Variants in SLC35F1 observed in about 807,000 individuals in gnomAD.
The protein encoded by SLC35F1 is chromosome 6 open reading frame 169.
SLC35F1 carries 14 observed loss-of-function variants against 48.7 expected under a neutral mutation model. The observed-to-expected ratio is 0.29, with a 90% CI of 0.19 to 0.45. The LOEUF is 0.45. SLC35F1 is among the 20% of genes least tolerant of loss of function. The probability of loss-of-function intolerance (pLI) is 1.00; values close to 1 mark genes in which losing one functional copy is unlikely to be tolerated. For synonymous variants in SLC35F1, 190 were observed against 202.2 expected, an observed-to-expected ratio of 0.94 and a Z score of 0.51; for missense variants, 404 against 500.0, an observed-to-expected ratio of 0.81 and a Z score of 1.83.
At chr6:117,922,395 A>G (rs1052581162) in intron 1 of SLC35F1, among the ~76,000 whole-genome samples, 10 of 152,212 alleles carry the variant, frequency 6.6e-5, no homozygotes, top group Non-Finnish European at 1.5e-4. Flanking sequence ...AAATTAAACA[A>G]AATTAGATTT....
intron 7 of SLC35F1, among the ~76,000 whole-genome samples, chr6:118,305,250 G>A (rs1315483398): frequency 6.6e-6 from 1 of 151,598 alleles, no homozygotes; most frequent in Admixed American, 6.6e-5. Context: ...TTCCTGGGGG[G>A]CCCTCAGTCT....
At chr6:118,228,318 T>TTTAGGA (rs11269647) in intron 2 of SLC35F1, among the ~76,000 whole-genome samples, 142,134 of 152,172 alleles carry the variant, frequency 0.93, 66,439 homozygotes, top group East Asian at 0.98. Context: ...AATGGAATAG[T>TTTAGGA]TTTAAACTCT....
In SLC35F1 at chr6:117,973,666, AC is replaced by A. The variant is rs1158506736; in HGVS notation, c.173+65770del. The stretch of plus-strand genomic sequence containing the variant: ...AGCCTAGAACTCCTAGGCTGAAGAG[AC>A]CCTCCTGCCTCAGCCTTCCCAGTAC... On this transcript the variant is annotated intron_variant, in intron 1 of 7. Transcript: ENST00000360388. 6.6e-5 allele frequency among the ~76,000 whole-genome samples: 10 copies of A among 151,898 alleles called. No homozygotes were observed. In the East Asian group the frequency reaches 1.7e-3, roughly 27 times the overall value.
At chr6:118,297,251 A>C (rs574073733) in intron 7 of SLC35F1, among the ~76,000 whole-genome samples, 1 of 152,164 alleles carries the variant, frequency 6.6e-6, no homozygotes, top group African/African-American at 2.4e-5. Context: ...ATACTTCCAC[A>C]CTTACTACAT....
chr6:117,918,686 C>T (rs1283484665), intron 1 of SLC35F1, among the ~76,000 whole-genome samples: 1 of 152,014 alleles, frequency 6.6e-6, no homozygotes. Flanking sequence ...CAGTAGAGGG[C>T]GTGATGAGCA....
At chr6:117,953,025 C>T (rs1776383590) in intron 1 of SLC35F1, among the ~76,000 whole-genome samples, 1 of 152,188 alleles carries the variant, frequency 6.6e-6, no homozygotes, top group African/African-American at 2.4e-5. Context: ...GAAGTGGGCA[C>T]TGGTCCATGT....
At chr6:118,079,004 C>T (rs1382591380) in intron 1 of SLC35F1, among the ~76,000 whole-genome samples, 1 of 151,916 alleles carries the variant, frequency 6.6e-6, no homozygotes, top group Non-Finnish European at 1.5e-5. Flanking sequence ...CACTAGGGGT[C>T]CACTTAAAAA....
chr6:118,167,897 A>G (rs1774342550), intron 2 of SLC35F1, among the ~76,000 whole-genome samples: 1 of 152,324 alleles, frequency 6.6e-6, no homozygotes, highest in Non-Finnish European at 1.5e-5. Flanking sequence ...TATACAGCAC[A>G]TAACTGAACC....
intron 1 of SLC35F1, among the ~76,000 whole-genome samples, chr6:118,131,194 CG>C (rs1392825696): frequency 6.6e-6 from 1 of 151,810 alleles, no homozygotes; most frequent in African/African-American, 2.4e-5. Context: ...TCTATTCAAA[CG>C]TAAGAATTTT....
chr6:118,053,093 A>C (rs923166650), intron 1 of SLC35F1, among the ~76,000 whole-genome samples: 1 of 152,088 alleles, frequency 6.6e-6, no homozygotes, highest in African/African-American at 2.4e-5. Flanking sequence ...AAAAAAAATT[A>C]TCTGGTAAGG....
rs151277085 is a variant in SLC35F1 at position 118,079,570 on chromosome 6, A to G, written c.174-74875A>G. Among the ~76,000 whole-genome samples the G allele has an allele frequency of 2.9e-3, 443 of 152,230 alleles. 2 individuals are homozygous for G. The highest frequency in any genetic ancestry group is 0.01 in the African/African-American group (431 of 41,528). ...CTCACTTTATATCTATCAACTTTTT[A>G]CACCCTTTAGAGACCTAAGAACTTG... On this transcript the variant is annotated intron_variant, in intron 1 of 7. Coordinates refer to ENST00000360388, the MANE Select transcript of SLC35F1 (RefSeq NM_001029858.4).
intron 3 of SLC35F1, among the ~76,000 whole-genome samples, chr6:118,260,959 A>G (rs1237284232): frequency 2.0e-5 from 3 of 152,178 alleles, no homozygotes; most frequent in African/African-American, 7.2e-5. Flanking sequence ...TGAATTTATA[A>G]AACTCTGAAG....
In SLC35F1 at chr6:118,317,066, TCA is replaced by T. The variant is rs1776446856; in HGVS notation, c.*2815_*2816del. On this transcript the variant is annotated 3_prime_UTR_variant, in exon 8 of 8. Transcript: ENST00000360388. ...ACCTCAGTAGACACCAGCAAAATTT[TCA>T]GTTTCTAACTCCACCACCAATCTCT... 1 of 152,658 alleles carries T rather than the reference TCA, an allele frequency of 6.6e-6. No individual in the cohort carries two copies. Among genetic ancestry groups the T allele is most frequent in the South Asian group, 2.1e-4 (1 of 4,830 alleles). 9.5% of individuals were successfully genotyped at this position (152,658 alleles called of 1,614,324 possible). A position where few individuals can be genotyped will look rare whatever the true frequency, so the allele number is the denominator to read the frequency against.
At chr6:118,185,488 G>A (rs959794918) in intron 2 of SLC35F1, among the ~76,000 whole-genome samples, 7 of 152,104 alleles carry the variant, frequency 4.6e-5, no homozygotes, top group African/African-American at 1.7e-4. Context: ...ATCTAGCCAC[G>A]AAATCAACAG....
In SLC35F1 at chr6:118,146,113, A is replaced by G. The variant is rs574020711; in HGVS notation, c.174-8332A>G. The stretch of plus-strand genomic sequence containing the variant: ...GCATGCCTCCCTCAGACAGGCCTGT[A>G]TTATGGAGCTAATGGAGTGAGTGGG... On this transcript the variant is annotated intron_variant, in intron 1 of 7. Coordinates refer to ENST00000360388, the MANE Select transcript of SLC35F1 (RefSeq NM_001029858.4). Among the ~76,000 whole-genome samples the G allele has an allele frequency of 2.7e-4, 41 of 152,310 alleles. 1 individual carries two copies. The South Asian group carries it at 8.5e-3, about 32-fold the overall frequency.
At chr6:118,055,155 G>A (rs1433748495) in intron 1 of SLC35F1, among the ~76,000 whole-genome samples, 1 of 152,116 alleles carries the variant, frequency 6.6e-6, no homozygotes, top group African/African-American at 2.4e-5. Context: ...TTAAATATTA[G>A]TAGGTGTTAC....
chr6:118,054,810 G>A (rs551312669), intron 1 of SLC35F1, among the ~76,000 whole-genome samples: 4 of 151,250 alleles, frequency 2.6e-5, no homozygotes, highest in Admixed American at 1.3e-4. Context: ...ACGGAGTCTC[G>A]CTGTGTCACC....
chr6:118,209,042 T>C (rs1410597442), intron 2 of SLC35F1, among the ~76,000 whole-genome samples: 1 of 152,126 alleles, frequency 6.6e-6, no homozygotes, highest in East Asian at 1.9e-4. Flanking sequence ...TTCCAAGGGG[T>C]CCTGCCCCAT....
At chr6:118,267,225 T>C in intron 4 of SLC35F1, 71 bp downstream of exon 4, 3 of 1,566,130 alleles carry the variant, frequency 1.9e-6, no homozygotes, top group Non-Finnish European at 2.6e-6. Flanking sequence ...GGAATGTTCA[T>C]AGTTGGGTGA....
Sources: gnomAD v4.1 joint callset for allele counts (sites outside exome capture counted in the v4.1 genomes callset) on GRCh38, gnomAD v4.1.1 for gene constraint, MANE v1.5 for transcripts, NCBI Gene and HGNC (gene_info 2026-07-23, HGNC 2026-07-21) for gene names.